Variants in DHRSX observed in about 807,000 individuals in gnomAD.
DHRSX encodes the protein polyprenol dehydrogenase.
Under a neutral mutation model 34.0 loss-of-function variants are expected in DHRSX, and 31 were observed. The ratio of observed to expected loss-of-function variants is 0.91; its 90% CI spans 0.69 to 1.23. DHRSX has a LOEUF of 1.23. Ranked by LOEUF, DHRSX falls within the 50% of genes most tolerant of loss-of-function variation. The pLI is 0.00. For synonymous variants in DHRSX, 201 were observed against 183.8 expected, an observed-to-expected ratio of 1.09 and a Z score of -0.76; for missense variants, 414 against 428.1, an observed-to-expected ratio of 0.97 and a Z score of 0.29.
At chrX:2,496,771 CATTTATAT>C (rs2045295341) in intron 1 of DHRSX, among the ~76,000 whole-genome samples, 1 of 151,176 alleles carries the variant, frequency 6.6e-6, no homozygotes, top group Non-Finnish European at 1.5e-5. Context: ...TAAGTGTACA[CATTTATAT>C]ATTTATATAA....
chrX:2,382,907 C>T (rs1473860183), intron 3 of DHRSX, among the ~76,000 whole-genome samples: 1 of 150,896 alleles, frequency 6.6e-6, no homozygotes, highest in Non-Finnish European at 1.5e-5. Context: ...TCATCACCAT[C>T]ATTAGCAGCA....
At chrX:2,290,551 T>C (rs1463136665) in intron 4 of DHRSX, among the ~76,000 whole-genome samples, 2 of 152,234 alleles carry the variant, frequency 1.3e-5, no homozygotes, top group Non-Finnish European at 2.9e-5. Context: ...GTCTGCAATC[T>C]GAAGTGTCAA....
At chrX:2,315,262 A>G (rs1293343268) in intron 3 of DHRSX, among the ~76,000 whole-genome samples, 1 of 152,000 alleles carries the variant, frequency 6.6e-6, no homozygotes, top group African/African-American at 2.4e-5. Flanking sequence ...GCAAAGCCTC[A>G]TTGTGGAGGT....
chrX:2,321,659 G>C (rs1281425356), intron 3 of DHRSX, among the ~76,000 whole-genome samples: 1 of 151,996 alleles, frequency 6.6e-6, no homozygotes, highest in Non-Finnish European at 1.5e-5. Context: ...GGTGCCACCT[G>C]GATGTAAACA....
intron 5 of DHRSX, among the ~76,000 whole-genome samples, chrX:2,263,508 CTTTCT>C (rs1432920427): frequency 9.4e-5 from 13 of 139,012 alleles, no homozygotes; most frequent in African/African-American, 3.6e-4. Flanking sequence ...TGGAATTTTT[CTTTCT>C]TTTTTTTTTT....
intron 3 of DHRSX, among the ~76,000 whole-genome samples, chrX:2,304,112 GATGGATGGATAA>G (rs200788216): frequency 0.27 from 34,187 of 124,872 alleles, 6,249 homozygotes; most frequent in Non-Finnish European, 0.41. Flanking sequence ...TGGATAGATG[GATGGATGGATAA>G]ATGGATGGAT....
intron 3 of DHRSX, among the ~76,000 whole-genome samples, chrX:2,366,944 GC>G (rs1407214423): frequency 6.6e-6 from 1 of 151,922 alleles, no homozygotes; most frequent in Non-Finnish European, 1.5e-5. Context: ...ATAAAACCCA[GC>G]CCCCTGGAAA....
intron 3 of DHRSX, among the ~76,000 whole-genome samples, chrX:2,380,295 C>T (rs1392493513): frequency 6.2e-5 from 6 of 96,808 alleles, no homozygotes; most frequent in Non-Finnish European, 9.5e-5. Flanking sequence ...AGCAAGACTC[C>T]GTCTCAAAAA....
chrX:2,426,045 T>G (rs1342608121), intron 1 of DHRSX, among the ~76,000 whole-genome samples: 2 of 152,016 alleles, frequency 1.3e-5, no homozygotes, highest in Non-Finnish European at 2.9e-5. Context: ...AGGAGATGGC[T>G]GGGGGGTGGA....
chrX:2,260,604 C>T (rs35594442), intron 5 of DHRSX, among the ~76,000 whole-genome samples: 11,080 of 151,930 alleles, frequency 0.073, 1,335 homozygotes, highest in East Asian at 0.49. Flanking sequence ...GGATTACAGA[C>T]GCGCAGCACC....
At chrX:2,384,266 A>G (rs906598517) in intron 3 of DHRSX, among the ~76,000 whole-genome samples, 1 of 152,164 alleles carries the variant, frequency 6.6e-6, no homozygotes, top group Non-Finnish European at 1.5e-5. Flanking sequence ...ACTTACACAG[A>G]GAGAAGGAAA....
intron 1 of DHRSX, among the ~76,000 whole-genome samples, chrX:2,475,087 G>A (rs73180876): frequency 0.17 from 24,145 of 138,238 alleles, 3,253 homozygotes; most frequent in African/African-American, 0.36. Flanking sequence ...GCTACCATGT[G>A]CACACTGAAG....
chrX:2,288,632 T>C (rs576450140), intron 4 of DHRSX, among the ~76,000 whole-genome samples: 327 of 152,334 alleles, frequency 2.1e-3, no homozygotes, highest in African/African-American at 7.0e-3. Context: ...GTGTCAGCCA[T>C]AGACTCAGGA....
chrX:2,225,062 T>C (rs751923941), intron 6 of DHRSX, among the ~76,000 whole-genome samples: 62 of 144,702 alleles, frequency 4.3e-4, no homozygotes, highest in African/African-American at 1.6e-3. Flanking sequence ...CATTTACATA[T>C]TCACATGCAC....
At chrX:2,406,253 C>T (rs1226028602) in intron 3 of DHRSX, among the ~76,000 whole-genome samples, 1 of 151,938 alleles carries the variant, frequency 6.6e-6, no homozygotes, top group Non-Finnish European at 1.5e-5. Flanking sequence ...GATCGCACCA[C>T]TGCATTCCAG....
intron 3 of DHRSX, among the ~76,000 whole-genome samples, chrX:2,305,164 T>C (rs750142637): frequency 2.1e-5 from 3 of 145,936 alleles, no homozygotes; most frequent in South Asian, 4.4e-4. Flanking sequence ...TGAGAACACA[T>C]GGATACAGGG....
At chrX:2,321,552 A>G (rs1169440525) in intron 3 of DHRSX, among the ~76,000 whole-genome samples, 1 of 151,978 alleles carries the variant, frequency 6.6e-6, no homozygotes, top group Admixed American at 6.6e-5. Context: ...AAGAGACACC[A>G]GGGCACACAT....
At chrX:2,425,402 G>A in intron 1 of DHRSX, 98 bp from the exon 2 acceptor site, 1 of 1,040,086 alleles carries the variant, frequency 9.6e-7, no homozygotes, top group Non-Finnish European at 1.5e-6. Context: ...GCCAAAGGGA[G>A]TTATGGTTCA....
chrX:2,286,852 G>T (rs2041810403), intron 4 of DHRSX, among the ~76,000 whole-genome samples: 1 of 152,180 alleles, frequency 6.6e-6, no homozygotes, highest in Non-Finnish European at 1.5e-5. Flanking sequence ...ATAAAAGGAA[G>T]AAAGTGCAAA....
Sources: gnomAD v4.1 joint callset for allele counts (sites outside exome capture counted in the v4.1 genomes callset) on GRCh38, gnomAD v4.1.1 for gene constraint, MANE v1.5 for transcripts, NCBI Gene and HGNC (gene_info 2026-07-23, HGNC 2026-07-21) for gene names.